The following VASH1 variants were observed in gnomAD, a reference collection of about 807,000 sequenced individuals.
VASH1 encodes tubulinyl-Tyr carboxypeptidase 1.
A neutral mutation model predicts 35.0 loss-of-function variants in VASH1; 16 were observed. The observed-to-expected ratio is 0.46, with a 90% CI of 0.31 to 0.70. The LOEUF is 0.70. VASH1 is among the 30% of genes least tolerant of loss of function. VASH1 has a pLI of 0.05. For synonymous variants in VASH1, 214 were observed against 200.9 expected (o/e 1.07, Z -0.55); for missense variants, 505 against 510.7 (o/e 0.99, Z 0.11).
intron 1 of VASH1, among the ~76,000 whole-genome samples, chr14:76,767,082 T>C (rs1893660847): frequency 6.6e-6 from 1 of 151,734 alleles, no homozygotes; most frequent in African/African-American, 2.4e-5. Flanking sequence ...CCATCTCTAC[T>C]AAAAATACAA....
At chr14:76,771,367 C>A in intron 3 of VASH1, 121 bp downstream of exon 3, 1 of 957,318 alleles carries the variant, frequency 1.0e-6, no homozygotes, top group Non-Finnish European at 1.4e-6. Flanking sequence ...AGGAAGCCAG[C>A]CTTTGGGGGC....
intron 4 of VASH1, among the ~76,000 whole-genome samples, chr14:76,775,232 G>A (rs1893902645): frequency 6.6e-6 from 1 of 152,214 alleles, no homozygotes; most frequent in Non-Finnish European, 1.5e-5. Context: ...GGTGGACGGT[G>A]GCGCAGGCTC....
At chr14:76,778,814 C>T in intron 6 of VASH1, 132 bp from the exon 7 acceptor site, 1 of 869,026 alleles carries the variant, frequency 1.2e-6, no homozygotes, top group South Asian at 1.4e-5. Context: ...TCCATACGCA[C>T]TGTGCTGTGC....
At position 76,762,643 on chromosome 14, in the gene VASH1, T is replaced by C. The variant is rs1364984556; in HGVS notation, c.-179T>C. ...GACAACCCACCCCCTCGGACCCTAATTCACCTTATTGCACTGATTTTTTTT... is the reference window on the plus strand; with the variant it reads ...GACAACCCACCCCCTCGGACCCTAACTCACCTTATTGCACTGATTTTTTTT... On this transcript the variant is annotated 5_prime_UTR_variant, in exon 1 of 7. Transcript: ENST00000167106. The C allele has an allele frequency of 6.2e-5, 30 of 484,980 alleles. No individual in the cohort carries two copies. The allele number at this position is 484,980 out of a possible 1,614,324, so 30.0% of individuals were successfully genotyped here.
chr14:76,779,280 G>C lies in VASH1; in HGVS notation c.*262G>C. ...GTTTAAGGTATTTGGGGAAAACTTA[G>C]TCCAAATGGATCTGCTGATGGTGGG... On this transcript the variant is annotated 3_prime_UTR_variant, in exon 7 of 7. Transcript: ENST00000167106. 1 of 702,120 alleles carries C rather than the reference G, an allele frequency of 1.4e-6. No homozygotes were observed. Among genetic ancestry groups the C allele is most frequent in the Non-Finnish European group, 2.6e-6 (1 of 384,986 alleles). 43.5% of individuals were successfully genotyped at this position (702,120 alleles called of 1,614,324 possible).
intron 3 of VASH1, among the ~76,000 whole-genome samples, chr14:76,771,698 G>A (rs1352208617): frequency 6.6e-6 from 1 of 152,182 alleles, no homozygotes; most frequent in East Asian, 1.9e-4. Flanking sequence ...CTTACTCCGT[G>A]GACTCTTTTC....
intron 2 of VASH1, 77 bp from the exon 3 acceptor site, chr14:76,771,113 T>C: frequency 7.3e-7 from 1 of 1,373,342 alleles, no homozygotes; most frequent in Non-Finnish European, 9.7e-7. Flanking sequence ...ACTTGGCTCT[T>C]GAGCTTCAGG....
chr14:76,766,295 C>T (rs1893639377), intron 1 of VASH1, among the ~76,000 whole-genome samples: 1 of 152,192 alleles, frequency 6.6e-6, no homozygotes, highest in African/African-American at 2.4e-5. Context: ...TTCAGGCTTC[C>T]ACCCCCTTTA....
intron 4 of VASH1, among the ~76,000 whole-genome samples, chr14:76,775,224 T>TGGAC (rs1295024489): frequency 1.3e-5 from 2 of 151,284 alleles, no homozygotes; most frequent in Non-Finnish European, 1.5e-5. Flanking sequence ...GTGGAGGAGG[T>TGGAC]GGACGGTGGC....
At chr14:76,770,370 A>T (rs1294895155) in intron 2 of VASH1, among the ~76,000 whole-genome samples, 1 of 1,826 alleles carries the variant, frequency 5.5e-4, no homozygotes, top group Non-Finnish European at 1.3e-3. Flanking sequence ...GTCTAGATAG[A>T]TCTGCTCTGT....
At position 76,773,183 on chromosome 14, in the gene VASH1, A is replaced by C; in HGVS notation, c.502A>C (p.Lys168Gln). The C allele has an allele frequency of 6.2e-7, 1 of 1,614,118 alleles. No homozygotes were observed. The highest frequency in any genetic ancestry group is 8.5e-7 in the Non-Finnish European group (1 of 1,180,018). Reference protein sequence around the residue: ...KEMTKEALPIKCLEAVILGIY... With the variant: ...KEMTKEALPIQCLEAVILGIY... ...AATGACCAAAGAGGCCCTGCCAATC[A>C]AATGCCTGGAAGCCGTGATCCTGGG... The change falls in exon 4 of 7, where the codon AAA becomes CAA. Residue 168 changes from lysine (K) to glutamine (Q), a missense_variant. By Grantham distance (53) the Lys-to-Gln change is moderately conservative (BLOSUM62 1). Coordinates refer to ENST00000167106, the MANE Select transcript of VASH1 (RefSeq NM_014909.5).
At chr14:76,768,681 C>T (rs1399260398) in intron 1 of VASH1, among the ~76,000 whole-genome samples, 1 of 152,082 alleles carries the variant, frequency 6.6e-6, no homozygotes, top group African/African-American at 2.4e-5. Context: ...ATCTCCACCA[C>T]TCGAGAGCCT....
chr14:76,767,259 T>TAAATAAATAAAG (rs1555358677), intron 1 of VASH1, among the ~76,000 whole-genome samples: 4 of 149,854 alleles, frequency 2.7e-5, no homozygotes, highest in African/African-American at 9.8e-5. Flanking sequence ...AATAAATAAA[T>TAAATAAATAAAG]AAATAAATAA....
chr14:76,776,940 G>C (rs955534735), intron 5 of VASH1, among the ~76,000 whole-genome samples: 2 of 148,416 alleles, frequency 1.3e-5, no homozygotes, highest in Non-Finnish European at 3.0e-5. Context: ...ACCGACCTCT[G>C]CACTCCCAAG....
In VASH1 at chr14:76,776,183, G is replaced by A. The variant is rs778490745; in HGVS notation, c.822G>A (p.Glu274=). Residue 274 remains glutamate (E), a synonymous_variant, in exon 5 of 7, where the codon GAG becomes GAA. Transcript: ENST00000167106. ...ACCCGCACAGCGTGGAGCAGATCGA[G>A]TGGAAGCACTCGGTGCTGGACGTGG... ...SHDPHSVEQI[E]WKHSVLDVER... is the part of the protein sequence containing the mutation. 3.1e-6 allele frequency: 5 copies of A among 1,610,874 alleles called. No homozygotes were observed. The highest frequency in any genetic ancestry group is 4.2e-6 in the Non-Finnish European group (5 of 1,179,798).
Position 76,775,944 on chromosome 14 carries a change from A to T in VASH1, c.583A>T (p.Thr195Ser). Residue 195 changes from threonine to serine, a missense_variant, in exon 5 of 7, where the codon ACC becomes TCC. Transcript: ENST00000167106. ...GGAGCGCTTCCCCATCAGCTTCAAG[A>T]CCTACTTCTCAGGGAACTACTTCCG... ...TLERFPISFK[T>S]YFSGNYFRHI... 1 of 1,607,942 alleles carries T rather than the reference A, an allele frequency of 6.2e-7. No homozygotes were observed. The highest frequency in any genetic ancestry group is 8.5e-7 in the Non-Finnish European group (1 of 1,177,440).
chr14:76,770,125 G>A, intron 2 of VASH1, 74 bp downstream of exon 2: 1 of 1,433,682 alleles, frequency 7.0e-7, no homozygotes, highest in Non-Finnish European at 9.7e-7. Context: ...CAGAGCTGGA[G>A]AGGTATCAGC....
Position 76,761,480 on chromosome 14 carries a change from C to A in VASH1, c.-1342C>A. 6.5e-6 allele frequency: 1 copy of A among 152,854 alleles called. No individual in the cohort carries two copies. Among genetic ancestry groups the A allele is most frequent in the South Asian group, 1.9e-4 (1 of 5,264 alleles). The allele number at this position is 152,854 out of a possible 1,614,324, so 9.5% of individuals were successfully genotyped here. On this transcript the variant is annotated 5_prime_UTR_variant, in exon 1 of 7. Transcript: ENST00000167106. ...GCGCATGCGCGGCGCGGGCCGTAGT[C>A]GAGCCTGGTGGGCGGCTGGCTGGCA...
chr14:76,772,921 T>C (rs182482412), intron 3 of VASH1, among the ~76,000 whole-genome samples: 1 of 152,290 alleles, frequency 6.6e-6, no homozygotes, highest in African/African-American at 2.4e-5. Flanking sequence ...GTGGGCCTCC[T>C]TCCTATCAGC....
Sources: allele counts gnomAD v4.1 joint callset (sites outside exome capture counted in the v4.1 genomes callset), GRCh38; gene constraint gnomAD v4.1.1; transcripts MANE v1.5; gene names NCBI Gene and HGNC (gene_info 2026-07-23, HGNC 2026-07-21).